Variants in ADGRD1 observed in about 807,000 individuals in gnomAD.
The protein encoded by ADGRD1 is adhesion G protein-coupled receptor D1.
A neutral mutation model predicts 113.4 loss-of-function variants in ADGRD1; 77 were observed. The ratio of observed to expected loss-of-function variants is 0.68; its 90% CI spans 0.57 to 0.82. The LOEUF (loss-of-function observed/expected upper bound fraction) is 0.82, where lower values mean the gene tolerates loss of function less well. Among genes scored for constraint, ADGRD1 ranks in the 40% least tolerant of loss-of-function variants. The pLI is 0.00. For synonymous variants in ADGRD1, 474 were observed against 475.0 expected, an observed-to-expected ratio of 1.00 and a Z score of 0.03; for missense variants, 1,036 against 1,139.1, an observed-to-expected ratio of 0.91 and a Z score of 1.30.
intron 13 of ADGRD1, among the ~76,000 whole-genome samples, chr12:131,061,954 T>C (rs1243334774): frequency 6.6e-6 from 1 of 152,232 alleles, no homozygotes; most frequent in East Asian, 1.9e-4. Context: ...GTCAGTTGTT[T>C]ATACTTTTTC....
At chr12:131,036,736 A>ACGGGGCC (rs199678993) in intron 13 of ADGRD1, among the ~76,000 whole-genome samples, 1 of 123,748 alleles carries the variant, frequency 8.1e-6, no homozygotes, top group African/African-American at 2.9e-5. Flanking sequence ...CACTCACTGC[A>ACGGGGCC]TGGGGCCTCA....
At chr12:131,006,511 G>T (rs889555575) in intron 12 of ADGRD1, among the ~76,000 whole-genome samples, 1 of 152,218 alleles carries the variant, frequency 6.6e-6, no homozygotes, top group Non-Finnish European at 1.5e-5. Flanking sequence ...CTGGACCCGG[G>T]GACCCCGAGG....
chr12:131,020,470 T>A (rs529142091), intron 13 of ADGRD1, among the ~76,000 whole-genome samples: 10 of 152,210 alleles, frequency 6.6e-5, no homozygotes, highest in Non-Finnish European at 1.5e-4. Context: ...GGAAGAGGTT[T>A]GGTTCCCCAG....
In ADGRD1 at chr12:131,108,744, C is replaced by A. The variant is rs773163978; in HGVS notation, c.1908C>A (p.Ala636=). ...EPGTTPCQVM[A]VLLHYFFLSA... Reference sequence around the variant, plus strand: ...CCTAGACCCCCTGCCAAGTGATGGCCGTGCTCCTACACTACTTCTTCCTGA... The same window carrying A: ...CCTAGACCCCCTGCCAAGTGATGGCAGTGCTCCTACACTACTTCTTCCTGA... Residue 636 remains alanine, a synonymous_variant, in exon 18 of 25, where the codon GCC becomes GCA. Coordinates refer to ENST00000261654, the MANE Select transcript of ADGRD1 (RefSeq NM_198827.5). The A allele has an allele frequency of 2.7e-5, 44 of 1,613,946 alleles. No individual in the cohort carries two copies. Among genetic ancestry groups the A allele is most frequent in the Non-Finnish European group, 3.6e-5 (42 of 1,179,982 alleles).
chr12:131,106,006 G>A, intron 17 of ADGRD1, 141 bp downstream of exon 17: 1 of 660,566 alleles, frequency 1.5e-6, no homozygotes, highest in South Asian at 1.8e-5. Context: ...GTTTTCTCGG[G>A]GGAAGCAGAG....
chr12:131,088,680 G>A (rs1886677041), intron 15 of ADGRD1, among the ~76,000 whole-genome samples: 1 of 152,168 alleles, frequency 6.6e-6, no homozygotes, highest in Non-Finnish European at 1.5e-5. Context: ...AGGAGGCGGG[G>A]AGCAGGAGAG....
intron 14 of ADGRD1, among the ~76,000 whole-genome samples, chr12:131,079,638 A>T (rs2141189): frequency 6.6e-6 from 1 of 152,076 alleles, no homozygotes; most frequent in East Asian, 1.9e-4. Flanking sequence ...TCAACTACAC[A>T]TTCAGTTTCT....
chr12:131,014,437 C>A lies in ADGRD1; in HGVS notation c.1473+97C>A, dbSNP rs1878321409. On this transcript the variant is annotated intron_variant, in intron 13 of 24. Transcript: ENST00000261654. The stretch of plus-strand genomic sequence containing the variant: ...GTGTGCTTGCATAAAGAATCTCCAA[C>A]AGCCTTGGTGCCGGCCCGAACTGGA... 12 of 1,172,076 alleles carry A rather than the reference C, an allele frequency of 1.0e-5. No individual in the cohort carries two copies. The South Asian group carries it at 1.8e-4, about 18-fold the overall frequency. 72.6% of individuals were successfully genotyped at this position (1,172,076 alleles called of 1,614,324 possible).
chr12:131,066,561 C>A (rs1884738097), intron 13 of ADGRD1, among the ~76,000 whole-genome samples: 1 of 152,242 alleles, frequency 6.6e-6, no homozygotes, highest in Non-Finnish European at 1.5e-5. Context: ...CCCGTTCAGG[C>A]TGTGAGGGAG....
At chr12:131,049,663 C>T (rs1197955204) in intron 13 of ADGRD1, among the ~76,000 whole-genome samples, 3 of 152,202 alleles carry the variant, frequency 2.0e-5, no homozygotes, top group African/African-American at 4.8e-5. Context: ...GGATCATAAC[C>T]ATGTGCTTTC....
chr12:131,017,862 A>G lies in ADGRD1; in HGVS notation c.1473+3522A>G, dbSNP rs567326035. 4.0e-5 allele frequency among the ~76,000 whole-genome samples: 6 copies of G among 150,128 alleles called. 1 individual carries two copies. The highest frequency in any genetic ancestry group is 9.8e-5 in the African/African-American group (4 of 40,632). Reference sequence around the variant, plus strand: ...CAGTGCACACACACCCAGCACAGGCACACACACTTAGTATACACACAGCCA... The same window carrying G: ...CAGTGCACACACACCCAGCACAGGCGCACACACTTAGTATACACACAGCCA... On this transcript the variant is annotated intron_variant, in intron 13 of 24. Coordinates refer to ENST00000261654, the MANE Select transcript of ADGRD1 (RefSeq NM_198827.5).
chr12:131,116,012 C>T (rs968771983), intron 18 of ADGRD1, among the ~76,000 whole-genome samples: 1 of 152,230 alleles, frequency 6.6e-6, no homozygotes, highest in Non-Finnish European at 1.5e-5. Flanking sequence ...CCACGCTCTT[C>T]CCACTCACTG....
At position 131,014,306 on chromosome 12, in the gene ADGRD1, C is replaced by T. The variant is rs768247550; in HGVS notation, c.1439C>T (p.Ser480Phe). 5.0e-6 allele frequency: 8 copies of T among 1,614,006 alleles called. No homozygotes were observed. In the East Asian group the frequency reaches 1.1e-4, roughly 22 times the overall value. ...ACCCTGTCTCAGAACCTGTCGGGCTCTCCACTCATTACGGTCCACCTCAAG... is the reference window on the plus strand; with the variant it reads ...ACCCTGTCTCAGAACCTGTCGGGCTTTCCACTCATTACGGTCCACCTCAAG... Reference protein sequence around the residue: ...PPTLSQNLSGSPLITVHLKHR... With the variant: ...PPTLSQNLSGFPLITVHLKHR... The change falls in exon 13 of 25, where the codon TCT becomes TTT. Residue 480 changes from serine (S) to phenylalanine (F), a missense_variant. Physicochemically the swap from Ser to Phe is radical, Grantham distance 155 (BLOSUM62 -2). Coordinates refer to ENST00000261654, the MANE Select transcript of ADGRD1 (RefSeq NM_198827.5).
rs1870990438 is a variant in ADGRD1 at position 130,966,376 on chromosome 12, C to T, written c.104-87C>T. On this transcript the variant is annotated intron_variant, in intron 2 of 24. Transcript: ENST00000261654. The surrounding 1 kb of genome is among the most constrained non-coding windows in gnomAD (Gnocchi z 4.6). ...AGACATGGGATCCTTTTACTCTTCC[C>T]CCATAATGTGTGTGCTAAGCGGTTC... is the stretch of plus-strand genomic sequence containing the variant. 2.5e-6 allele frequency: 2 copies of T among 806,426 alleles called. No homozygotes were observed. Among genetic ancestry groups the T allele is most frequent in the Admixed American group, 1.8e-5 (1 of 56,022 alleles). 50.0% of individuals were successfully genotyped at this position (806,426 alleles called of 1,614,324 possible).
At position 131,139,284 on chromosome 12, in the gene ADGRD1, G is replaced by A; in HGVS notation, c.*21G>A. On this transcript the variant is annotated 3_prime_UTR_variant, in exon 25 of 25. Coordinates refer to ENST00000261654, the MANE Select transcript of ADGRD1 (RefSeq NM_198827.5). The stretch of plus-strand genomic sequence containing the variant: ...TGTGAGCCGGGAGGCTGCCAACCAG[G>A]CCAGGCTGCGCTCAGAACACACCCC... 1.3e-6 allele frequency: 2 copies of A among 1,555,764 alleles called. No homozygotes were observed. Among genetic ancestry groups the A allele is most frequent in the Admixed American group, 1.7e-5 (1 of 58,822 alleles).
chr12:131,125,144 G>A (rs1480115805), intron 20 of ADGRD1, among the ~76,000 whole-genome samples: 3 of 152,184 alleles, frequency 2.0e-5, no homozygotes, highest in South Asian at 2.1e-4. Flanking sequence ...TAGTGACCTC[G>A]TTTTAACATA....
chr12:131,033,190 C>A (rs577656827), intron 13 of ADGRD1, among the ~76,000 whole-genome samples: 1 of 145,842 alleles, frequency 6.9e-6, no homozygotes, highest in African/African-American at 2.5e-5. Context: ...TTTTTTTGTG[C>A]GGGCAGGGCC....
At chr12:130,997,592 C>T (rs1484089998) in intron 8 of ADGRD1, among the ~76,000 whole-genome samples, 1 of 151,834 alleles carries the variant, frequency 6.6e-6, no homozygotes, top group Non-Finnish European at 1.5e-5. Context: ...GCGCTCCCCA[C>T]ATCTCAGACG....
In ADGRD1 at chr12:131,036,195, G is replaced by T. The variant is rs542424183; in HGVS notation, c.1473+21855G>T. On this transcript the variant is annotated intron_variant, in intron 13 of 24. Transcript: ENST00000261654. ...ACTCACTGGAGGGGGTCTCATTCACGGGAGGCGGGGTCTTAACCACTGCAC... is the reference window on the plus strand; with the variant it reads ...ACTCACTGGAGGGGGTCTCATTCACTGGAGGCGGGGTCTTAACCACTGCAC... 5.9e-5 allele frequency among the ~76,000 whole-genome samples: 9 copies of T among 152,056 alleles called. No homozygotes were observed. The East Asian group carries it at 1.7e-3, about 29-fold the overall frequency.
Sources: allele counts gnomAD v4.1 joint callset (sites outside exome capture counted in the v4.1 genomes callset), GRCh38; gene constraint gnomAD v4.1.1; non-coding constraint Gnocchi (gnomAD v3.1); transcripts MANE v1.5; gene names NCBI Gene and HGNC (gene_info 2026-07-23, HGNC 2026-07-21).